Variants in LHCGR observed in about 807,000 individuals in gnomAD.
LHCGR encodes the protein luteinizing hormone/choriogonadotropin receptor, also known as lutropin-choriogonadotropic hormone receptor.
LHCGR carries 55 observed loss-of-function variants against 60.7 expected under a neutral mutation model. The ratio of observed to expected loss-of-function variants is 0.91; its 90% CI spans 0.73 to 1.13. LHCGR has a LOEUF of 1.13. Among genes scored for constraint, LHCGR ranks in the 50% most tolerant of loss-of-function variants. LHCGR has a pLI of 0.00. For synonymous variants in LHCGR, 337 were observed against 316.5 expected (o/e 1.06, Z -0.69); for missense variants, 862 against 836.0 (o/e 1.03, Z -0.38).
At chr2:48,734,007 C>G (rs1356642434) in intron 1 of LHCGR, among the ~76,000 whole-genome samples, 1 of 152,156 alleles carries the variant, frequency 6.6e-6, no homozygotes, top group Non-Finnish European at 1.5e-5. Flanking sequence ...CAATTCCACT[C>G]CTGTATACAT....
chr2:48,708,995 C>T lies in LHCGR; in HGVS notation c.633G>A (p.Glu211=). Residue 211 remains glutamate, a synonymous_variant, in exon 8 of 11, where the codon GAG becomes GAA. Transcript: ENST00000294954. ...SLELKENVHL[E]KMHNGAFRGA... ...CACGGAAGGCTCCATTGTGCATCTT[C>T]TCCAGATGTACGTTTTCCTTTAGCT... The T allele has an allele frequency of 6.2e-7, 1 of 1,614,216 alleles. No homozygotes were observed. The highest frequency in any genetic ancestry group is 8.5e-7 in the Non-Finnish European group (1 of 1,180,010).
intron 6 of LHCGR, chr2:48,721,812 T>G (rs1047988247): frequency 3.4e-5 from 16 of 470,782 alleles, no homozygotes; most frequent in Non-Finnish European, 7.0e-5. Context: ...GAGAGGGATA[T>G]GGATTTTAGG....
intron 8 of LHCGR, among the ~76,000 whole-genome samples, chr2:48,706,332 T>C (rs930074264): frequency 4.6e-5 from 7 of 152,214 alleles, no homozygotes; most frequent in African/African-American, 1.7e-4. Context: ...TAACATTTTT[T>C]CCTTCATTTC....
At chr2:48,753,416 A>C (rs1670067873) in intron 1 of LHCGR, among the ~76,000 whole-genome samples, 1 of 152,162 alleles carries the variant, frequency 6.6e-6, no homozygotes, top group Non-Finnish European at 1.5e-5. Flanking sequence ...AGATGAGGGC[A>C]TCTCTCAACC....
chr2:48,753,615 T>G (rs1371362341), intron 1 of LHCGR, among the ~76,000 whole-genome samples: 1 of 152,076 alleles, frequency 6.6e-6, no homozygotes, highest in Non-Finnish European at 1.5e-5. Context: ...CAGGAGAAAG[T>G]GGGATTTTTA....
chr2:48,708,050 C>T (rs573068051), intron 8 of LHCGR, among the ~76,000 whole-genome samples: 1 of 152,292 alleles, frequency 6.6e-6, no homozygotes, highest in Non-Finnish European at 1.5e-5. Context: ...CCAGCCAGTC[C>T]CAATGAGATG....
intron 1 of LHCGR, among the ~76,000 whole-genome samples, chr2:48,744,148 G>C (rs1669595400): frequency 1.6e-5 from 1 of 61,636 alleles, no homozygotes; most frequent in African/African-American, 8.9e-5. Context: ...GGATGTGAAG[G>C]ACCTCTTCAA....
chr2:48,740,671 C>T (rs1229625477), intron 1 of LHCGR, among the ~76,000 whole-genome samples: 1 of 151,852 alleles, frequency 6.6e-6, no homozygotes, highest in Non-Finnish European at 1.5e-5. Flanking sequence ...GAAAGGACAT[C>T]CACACCAAAA....
chr2:48,703,498 C>T (rs1420931845), intron 8 of LHCGR, among the ~76,000 whole-genome samples: 2 of 152,068 alleles, frequency 1.3e-5, no homozygotes, highest in African/African-American at 2.4e-5. Context: ...ATATGGCTAG[C>T]GAGTTTTCCT....
At chr2:48,696,901 A>T (rs188820993) in intron 9 of LHCGR, among the ~76,000 whole-genome samples, 4 of 152,280 alleles carry the variant, frequency 2.6e-5, no homozygotes, top group South Asian at 2.1e-4. Context: ...TCTATCATAA[A>T]CCAGTATCTC....
chr2:48,687,752 G>A lies in LHCGR; in HGVS notation c.2045C>T (p.Thr682Ile). ...GAGAGCTGTACCTTGACAGTGCAAT[G>A]TGGACAACTTCAAGGTGGATTGAGA... ...KPSQSTLKLS[T>I]LHCQGTALLD... The change falls in exon 11 of 11, where the codon ACA (threonine) becomes ATA (isoleucine). Residue 682 changes from threonine to isoleucine, a missense_variant. Thr to Ile is a moderately conservative substitution (Grantham distance 89). Coordinates refer to ENST00000294954, the MANE Select transcript of LHCGR (RefSeq NM_000233.4). 6.2e-7 allele frequency: 1 copy of A among 1,614,112 alleles called. No individual in the cohort carries two copies. The highest frequency in any genetic ancestry group is 2.2e-5 in the East Asian group (1 of 44,880).
intron 8 of LHCGR, among the ~76,000 whole-genome samples, chr2:48,704,385 A>G (rs1442758840): frequency 6.6e-6 from 1 of 152,222 alleles, no homozygotes; most frequent in Non-Finnish European, 1.5e-5. Flanking sequence ...GTTTAGTATC[A>G]GGATGATGCT....
intron 6 of LHCGR, among the ~76,000 whole-genome samples, chr2:48,719,068 A>G (rs1287298276): frequency 1.3e-5 from 2 of 151,934 alleles, no homozygotes; most frequent in African/African-American, 4.8e-5. Flanking sequence ...CACGCCTGTA[A>G]TCCCAGCACT....
chr2:48,739,747 G>A (rs544624124), intron 1 of LHCGR, among the ~76,000 whole-genome samples: 9 of 152,104 alleles, frequency 5.9e-5, no homozygotes, highest in Non-Finnish European at 1.0e-4. Context: ...CACCAACATG[G>A]CACATGTATA....
intron 4 of LHCGR, among the ~76,000 whole-genome samples, chr2:48,724,352 G>A (rs6760924): frequency 0.12 from 18,998 of 152,152 alleles, 1,417 homozygotes; most frequent in Middle Eastern, 0.23. Flanking sequence ...TACAAGAATG[G>A]GGCTCCCTCA....
Position 48,687,813 on chromosome 2 carries a change from T to A in LHCGR, c.1984A>T (p.Asn662Tyr). 6.2e-7 allele frequency: 1 copy of A among 1,614,156 alleles called. No individual in the cohort carries two copies. Among genetic ancestry groups the A allele is most frequent in the African/African-American group, 1.3e-5 (1 of 75,046 alleles). The change falls in exon 11 of 11, where the codon AAC (asparagine) becomes TAC (tyrosine). Residue 662 changes from asparagine (N) to tyrosine (Y), a missense_variant. Physicochemically the swap from Asn to Tyr is moderately radical, Grantham distance 143. Coordinates refer to ENST00000294954, the MANE Select transcript of LHCGR (RefSeq NM_000233.4). ...RRKDFSAYTS[N>Y]CKNGFTGSNK... ...GATCCAGTGAAGCCATTTTTGCAGT[T>A]GGAGGTGTAAGCTGAAAAATCTTTC...
At chr2:48,691,032 C>T (rs1680206441) in intron 10 of LHCGR, among the ~76,000 whole-genome samples, 1 of 152,184 alleles carries the variant, frequency 6.6e-6, no homozygotes, top group Non-Finnish European at 1.5e-5. Flanking sequence ...GCTCAACAAA[C>T]ATTTTTGTTT....
At chr2:48,735,012 C>CT (rs1198069564) in intron 1 of LHCGR, among the ~76,000 whole-genome samples, 1 of 152,174 alleles carries the variant, frequency 6.6e-6, no homozygotes, top group African/African-American at 2.4e-5. Context: ...TTTTCACAGT[C>CT]TTTTTTGCAG....
rs1198591331 is a variant in LHCGR at position 48,689,494 on chromosome 2, AG to A, written c.948-646del. 3.3e-5 allele frequency among the ~76,000 whole-genome samples: 5 copies of A among 152,316 alleles called. No homozygotes were observed. The South Asian group carries it at 8.3e-4, about 25-fold the overall frequency. On this transcript the variant is annotated intron_variant, in intron 10 of 10. Transcript: ENST00000294954. ...TCCCTAGCTAATCAAATAGTCCAACAGAGAAATAGAAACCAAGGATAGATTA... is the reference window on the plus strand; with the variant it reads ...TCCCTAGCTAATCAAATAGTCCAACAAGAAATAGAAACCAAGGATAGATTA...
Sources: allele counts gnomAD v4.1 joint callset (sites outside exome capture counted in the v4.1 genomes callset), GRCh38; gene constraint gnomAD v4.1.1; transcripts MANE v1.5; gene names NCBI Gene and HGNC (gene_info 2026-07-23, HGNC 2026-07-21).